Variants in KIAA1217 observed in about 807,000 individuals in gnomAD.
KIAA1217 encodes KIAA1217.
A neutral mutation model predicts 163.9 loss-of-function variants in KIAA1217; 88 were observed. That is an observed-to-expected ratio of 0.54 (90% CI 0.45 to 0.64). KIAA1217 has a LOEUF of 0.64. Among genes scored for constraint, KIAA1217 ranks in the 30% least tolerant of loss-of-function variants. The probability of loss-of-function intolerance (pLI) is 0.00; values close to 1 mark genes in which losing one functional copy is unlikely to be tolerated. For synonymous variants in KIAA1217, 903 were observed against 923.1 expected, an observed-to-expected ratio of 0.98 and a Z score of 0.39; for missense variants, 2,372 against 2,475.0, an observed-to-expected ratio of 0.96 and a Z score of 0.88.
intron 5 of KIAA1217, among the ~76,000 whole-genome samples, chr10:24,472,613 A>C (rs144840678): frequency 6.6e-6 from 1 of 152,234 alleles, no homozygotes; most frequent in East Asian, 1.9e-4. Flanking sequence ...TTAAGCCACC[A>C]CACTATTTTT....
intron 2 of KIAA1217, among the ~76,000 whole-genome samples, chr10:24,029,893 G>A (rs908575911): frequency 6.6e-6 from 1 of 152,128 alleles, no homozygotes; most frequent in African/African-American, 2.4e-5. Context: ...CAATGCAAGG[G>A]AACATGGTGG....
intron 1 of KIAA1217, among the ~76,000 whole-genome samples, chr10:23,784,277 T>G (rs151184299): frequency 1.3e-5 from 2 of 152,172 alleles, no homozygotes; most frequent in Non-Finnish European, 2.9e-5. Flanking sequence ...GCATGGAATA[T>G]TTTTTGTTAG....
chr10:24,211,575 G>T (rs570600474), intron 1 of KIAA1217, among the ~76,000 whole-genome samples: 82,465 of 141,792 alleles, frequency 0.58, 24,675 homozygotes, highest in East Asian at 0.7. Context: ...GTATTGTATT[G>T]TATTGTATTG....
At chr10:23,751,923 A>T (rs1015444080) in intron 1 of KIAA1217, among the ~76,000 whole-genome samples, 21 of 152,352 alleles carry the variant, frequency 1.4e-4, no homozygotes, top group Admixed American at 2.6e-4. Flanking sequence ...TACTGTCTTT[A>T]AAAGTCAACT....
At chr10:24,177,258 C>CATATATATATATATATATATATAT (rs1210930891) in intron 2 of KIAA1217, among the ~76,000 whole-genome samples, 3 of 25,154 alleles carry the variant, frequency 1.2e-4, no homozygotes, top group African/African-American at 3.6e-4. Flanking sequence ...CTCTCACCAT[C>CATATATATATATATATATATATAT]ATATATATAT....
chr10:24,403,592 G>A (rs1233434755), intron 3 of KIAA1217, among the ~76,000 whole-genome samples: 1 of 152,160 alleles, frequency 6.6e-6, no homozygotes, highest in African/African-American at 2.4e-5. Flanking sequence ...GGAAATATTT[G>A]TAAACCACAT....
At chr10:24,031,001 T>C (rs1185612029) in intron 2 of KIAA1217, among the ~76,000 whole-genome samples, 5 of 152,206 alleles carry the variant, frequency 3.3e-5, no homozygotes, top group Admixed American at 3.3e-4. Flanking sequence ...TGTACAAATA[T>C]CTGTTCGAAT....
intron 2 of KIAA1217, among the ~76,000 whole-genome samples, chr10:24,124,084 A>C (rs1210756005): frequency 6.6e-6 from 1 of 152,166 alleles, no homozygotes; most frequent in African/African-American, 2.4e-5. Context: ...CATTTTATGG[A>C]TAAAAAATAC....
intron 2 of KIAA1217, among the ~76,000 whole-genome samples, chr10:24,342,805 C>G (rs542397897): frequency 1.3e-5 from 2 of 152,054 alleles, no homozygotes; most frequent in South Asian, 4.1e-4. Flanking sequence ...ACTACAGATG[C>G]ATGCCACCAC....
chr10:23,813,779 A>G (rs1263154725), intron 1 of KIAA1217, among the ~76,000 whole-genome samples: 3 of 152,200 alleles, frequency 2.0e-5, no homozygotes, highest in African/African-American at 4.8e-5. Flanking sequence ...GACCATAAAC[A>G]TCTTTCTAGA....
chr10:23,952,660 A>G (rs1564561301), intron 1 of KIAA1217, among the ~76,000 whole-genome samples: 1 of 152,224 alleles, frequency 6.6e-6, no homozygotes, highest in Non-Finnish European at 1.5e-5. Flanking sequence ...CGTGAGCCTC[A>G]GCGTCCTAAC....
chr10:23,736,554 G>A (rs1367111409), intron 1 of KIAA1217, among the ~76,000 whole-genome samples: 3 of 152,076 alleles, frequency 2.0e-5, no homozygotes, highest in Non-Finnish European at 2.9e-5. Context: ...ATGGGGTCTC[G>A]CTTTGTCACC....
At chr10:24,094,113 G>A (rs1423809101) in intron 2 of KIAA1217, among the ~76,000 whole-genome samples, 9 of 152,100 alleles carry the variant, frequency 5.9e-5, no homozygotes, top group African/African-American at 1.7e-4. Context: ...ATAAACATAC[G>A]TGTGCATGTG....
chr10:24,470,725 C>T (rs16924809), intron 5 of KIAA1217, among the ~76,000 whole-genome samples: 11,988 of 152,188 alleles, frequency 0.079, 710 homozygotes, highest in East Asian at 0.15. Context: ...AGGCCAATTC[C>T]GTGGTGCCCA....
At chr10:24,278,733 T>C (rs1167046851) in intron 2 of KIAA1217, among the ~76,000 whole-genome samples, 1 of 152,188 alleles carries the variant, frequency 6.6e-6, no homozygotes, top group Non-Finnish European at 1.5e-5. Context: ...TACAGTGTTA[T>C]GCTAGAGAGA....
At chr10:24,456,705 CTTT>C (rs755613792) in intron 5 of KIAA1217, among the ~76,000 whole-genome samples, 1 of 141,154 alleles carries the variant, frequency 7.1e-6, no homozygotes. Flanking sequence ...AGGATTAAAC[CTTT>C]TTTTTTTTTT....
intron 2 of KIAA1217, among the ~76,000 whole-genome samples, chr10:24,298,569 G>T (rs2040896354): frequency 6.6e-6 from 1 of 152,068 alleles, no homozygotes; most frequent in Non-Finnish European, 1.5e-5. Context: ...AGGCCGAAGT[G>T]GGCGGATCAC....
At chr10:24,492,081 G>A (rs2066227192) in intron 6 of KIAA1217, among the ~76,000 whole-genome samples, 1 of 152,158 alleles carries the variant, frequency 6.6e-6, no homozygotes, top group South Asian at 2.1e-4. Flanking sequence ...AGTCCCTGTG[G>A]GACGAATGAG....
At position 23,896,513 on chromosome 10, in the gene KIAA1217, A is replaced by C. The variant is rs562103909; in HGVS notation, c.-320-110712A>C. On this transcript the variant is annotated intron_variant, in intron 1 of 18. Transcript: ENST00000376462. ...GATCACCACAGTGCAGTGCTATTTC[A>C]CTCTTTGGCAGGTCGTATCTGATTT... Among the ~76,000 whole-genome samples, 3 of 151,554 alleles carry C rather than the reference A, an allele frequency of 2.0e-5. No homozygotes were observed. In the South Asian group the frequency reaches 6.3e-4, roughly 32 times the overall value.
Sources: allele counts gnomAD v4.1 joint callset (sites outside exome capture counted in the v4.1 genomes callset), GRCh38; gene constraint gnomAD v4.1.1; transcripts MANE v1.5; gene names NCBI Gene and HGNC (gene_info 2026-07-23, HGNC 2026-07-21).